SPAG17: variants seen among roughly 807,000 people sequenced by gnomAD.
SPAG17 encodes the protein sperm associated antigen 17.
SPAG17 carries 169 observed loss-of-function variants against 273.6 expected under a neutral mutation model. The observed-to-expected ratio is 0.62, with a 90% confidence interval of 0.55 to 0.70. The LOEUF (loss-of-function observed/expected upper bound fraction) is 0.70. Among genes scored for constraint, SPAG17 ranks in the 30% least tolerant of loss-of-function variants. The pLI, the probability that SPAG17 is intolerant of heterozygous loss-of-function variation, is 0.00. For synonymous variants in SPAG17, 825 were observed against 873.2 expected (o/e 0.94, Z 0.97); for missense variants, 2,557 against 2,627.8 (o/e 0.97, Z 0.59).
intron 15 of SPAG17, among the ~76,000 whole-genome samples, chr1:118,078,564 T>G (rs1312316757): frequency 6.6e-6 from 1 of 152,098 alleles, no homozygotes; most frequent in Admixed American, 6.6e-5. Flanking sequence ...TCAAACCTTA[T>G]GCTTTTATCT....
chr1:118,172,263 T>C (rs1420000240), intron 1 of SPAG17, among the ~76,000 whole-genome samples: 1 of 152,176 alleles, frequency 6.6e-6, no homozygotes, highest in Non-Finnish European at 1.5e-5. Context: ...AAATTCTTGA[T>C]AAAAATTAGG....
intron 23 of SPAG17, among the ~76,000 whole-genome samples, chr1:118,038,589 T>G (rs1485100302): frequency 6.6e-6 from 1 of 152,136 alleles, no homozygotes; most frequent in Non-Finnish European, 1.5e-5. Flanking sequence ...ATTATTTAGT[T>G]TTCAAAAGAA....
At chr1:118,142,355 T>C (rs1658728138) in intron 3 of SPAG17, among the ~76,000 whole-genome samples, 1 of 152,152 alleles carries the variant, frequency 6.6e-6, no homozygotes, top group South Asian at 2.1e-4. Context: ...TTAATGGATA[T>C]AGAGCTTCAG....
intron 9 of SPAG17, 48 bp downstream of exon 9, chr1:118,091,882 A>C (rs776396856): frequency 2.5e-6 from 4 of 1,583,456 alleles, no homozygotes. Context: ...TATCTCTTAA[A>C]GTGCCAGCTC....
chr1:118,178,573 G>C (rs541420634), intron 1 of SPAG17, among the ~76,000 whole-genome samples: 3 of 152,088 alleles, frequency 2.0e-5, no homozygotes, highest in East Asian at 3.9e-4. Context: ...TATAATGCTG[G>C]AAATCTTGGC....
chr1:118,151,101 G>T, intron 2 of SPAG17, 128 bp downstream of exon 2: 1 of 736,498 alleles, frequency 1.4e-6, no homozygotes, highest in Non-Finnish European at 1.9e-6. Context: ...TGGCTAAATA[G>T]TTACTTAAAA....
intron 23 of SPAG17, among the ~76,000 whole-genome samples, chr1:118,039,089 G>T (rs968430212): frequency 6.6e-6 from 1 of 152,060 alleles, no homozygotes; most frequent in African/African-American, 2.4e-5. Context: ...AAAAAATAAA[G>T]TCTGGTAAAG....
intron 1 of SPAG17, among the ~76,000 whole-genome samples, chr1:118,178,726 A>G (rs947228426): frequency 2.0e-5 from 3 of 151,436 alleles, no homozygotes; most frequent in African/African-American, 7.3e-5. Context: ...TGATATATTC[A>G]GTAAAGTTGC....
At position 118,097,866 on chromosome 1, in the gene SPAG17, A is replaced by T; in HGVS notation, c.830-15T>A. 1 of 1,535,114 alleles carries T rather than the reference A, an allele frequency of 6.5e-7. No individual in the cohort carries two copies. The highest frequency in any genetic ancestry group is 8.8e-7 in the Non-Finnish European group (1 of 1,136,586). ...TGCTTCTAGATCTAATAATAGCAAC[A>T]TGTTTATATTACCAAATGAGAGTGT... On this transcript the variant is annotated splice_polypyrimidine_tract_variant and intron_variant, in intron 6 of 48. Coordinates refer to ENST00000336338, the MANE Select transcript of SPAG17 (RefSeq NM_206996.4).
rs184410904 is a variant in SPAG17, at chr1:118,046,942, T to C, written c.2815-4900A>G. On this transcript the variant is annotated intron_variant, in intron 20 of 48. Coordinates refer to ENST00000336338, the MANE Select transcript of SPAG17 (RefSeq NM_206996.4). The stretch of plus-strand genomic sequence containing the variant: ...ATATAAAATAGGTTAGTTGAAGAAA[T>C]CCCAAACATGTCATTAATCAGAATA... Among the ~76,000 whole-genome samples, 476 of 152,222 alleles carry C rather than the reference T, an allele frequency of 3.1e-3. 1 individual carries two copies. The highest frequency in any genetic ancestry group is 4.6e-3 in the Non-Finnish European group (316 of 68,004).
At chr1:118,150,734 C>A (rs893449938) in intron 2 of SPAG17, 105 bp from the exon 3 acceptor site, 15 of 624,488 alleles carry the variant, frequency 2.4e-5, no homozygotes, top group Non-Finnish European at 3.5e-5. Flanking sequence ...GTTGGGGAAC[C>A]TAGCAAGAAA....
intron 45 of SPAG17, among the ~76,000 whole-genome samples, chr1:117,970,633 C>G (rs1330195724): frequency 6.6e-6 from 1 of 152,112 alleles, no homozygotes; most frequent in African/African-American, 2.4e-5. Flanking sequence ...GCTTATTGAT[C>G]TCTCTCCCTT....
intron 20 of SPAG17, among the ~76,000 whole-genome samples, chr1:118,046,036 A>AT (rs1650313650): frequency 6.6e-6 from 1 of 152,186 alleles, no homozygotes. Context: ...AACATGGACT[A>AT]TATAAAACAA....
At chr1:118,133,305 T>C (rs1248353632) in intron 3 of SPAG17, among the ~76,000 whole-genome samples, 1 of 151,994 alleles carries the variant, frequency 6.6e-6, no homozygotes, top group East Asian at 1.9e-4. Flanking sequence ...AGAGTGCAGA[T>C]GGAGAGAGAG....
At chr1:118,098,170 C>A (rs1310810845) in intron 6 of SPAG17, among the ~76,000 whole-genome samples, 2 of 152,186 alleles carry the variant, frequency 1.3e-5, no homozygotes, top group East Asian at 3.8e-4. Flanking sequence ...AGATGACAAT[C>A]TACATAGGAC....
At chr1:118,156,453 C>T (rs1291708894) in intron 1 of SPAG17, among the ~76,000 whole-genome samples, 1 of 152,140 alleles carries the variant, frequency 6.6e-6, no homozygotes, top group Non-Finnish European at 1.5e-5. Context: ...AGTCCATGGC[C>T]CTGGAGTCCT....
chr1:118,182,409 C>T (rs1360742984), intron 1 of SPAG17, among the ~76,000 whole-genome samples: 1 of 152,136 alleles, frequency 6.6e-6, no homozygotes, highest in African/African-American at 2.4e-5. Flanking sequence ...ATTTTAATCT[C>T]TATGATACCA....
At chr1:118,139,119 G>T (rs1176955170) in intron 3 of SPAG17, among the ~76,000 whole-genome samples, 1 of 151,500 alleles carries the variant, frequency 6.6e-6, no homozygotes, top group Non-Finnish European at 1.5e-5. Flanking sequence ...AAATGGACAA[G>T]AAAAAAAATT....
intron 32 of SPAG17, among the ~76,000 whole-genome samples, chr1:117,997,033 G>T (rs1321135184): frequency 6.6e-6 from 1 of 152,070 alleles, no homozygotes; most frequent in Non-Finnish European, 1.5e-5. Context: ...GTGAAGATAG[G>T]TTCAAGAAAT....
Sources: gnomAD v4.1 joint callset for allele counts (sites outside exome capture counted in the v4.1 genomes callset) on GRCh38, gnomAD v4.1.1 for gene constraint, MANE v1.5 for transcripts, NCBI Gene and HGNC (gene_info 2026-07-23, HGNC 2026-07-21) for gene names.